The following DNAH14 variants were observed in gnomAD, a reference collection of about 807,000 sequenced individuals.
DNAH14 encodes axonemal beta dynein heavy chain 14.
Under a neutral mutation model 520.9 loss-of-function variants are expected in DNAH14, and 478 were observed. The ratio of observed to expected loss-of-function variants is 0.92; its 90% CI spans 0.85 to 0.99. The LOEUF is 0.99. Among genes scored for constraint, DNAH14 ranks in the 50% least tolerant of loss-of-function variants. DNAH14 has a pLI of 0.00. For synonymous variants in DNAH14, 1,581 were observed against 1,757.2 expected (o/e 0.90, Z 2.51); for missense variants, 4,831 against 5,234.5 (o/e 0.92, Z 2.38).
chr1:225,173,989 T>C (rs2083021238), intron 36 of DNAH14, among the ~76,000 whole-genome samples: 1 of 152,180 alleles, frequency 6.6e-6, no homozygotes, highest in Admixed American at 6.5e-5. Context: ...GAAACCATCA[T>C]TCTCAGCAAA....
chr1:225,269,088 G>C (rs1465386076), intron 49 of DNAH14, among the ~76,000 whole-genome samples: 1 of 152,146 alleles, frequency 6.6e-6, no homozygotes, highest in Non-Finnish European at 1.5e-5. Flanking sequence ...ATACTACAAG[G>C]CTACCGTAAC....
chr1:225,116,057 G>A (rs2076850355), intron 23 of DNAH14, among the ~76,000 whole-genome samples: 2 of 152,150 alleles, frequency 1.3e-5, no homozygotes, highest in Non-Finnish European at 1.5e-5. Context: ...GAGAAGGATG[G>A]GTAGGTGGGA....
At position 225,040,452 on chromosome 1, in the gene DNAH14, G is replaced by A. The variant is rs116352490; in HGVS notation, c.1488+1629G>A. Among the ~76,000 whole-genome samples the A allele has an allele frequency of 2.0e-3, 304 of 152,216 alleles. 1 individual carries two copies. Among genetic ancestry groups the A allele is most frequent in the African/African-American group, 6.5e-3 (268 of 41,526 alleles). On this transcript the variant is annotated intron_variant, in intron 12 of 85. Coordinates refer to ENST00000682510, the MANE Select transcript of DNAH14 (RefSeq NM_001367479.1). Reference sequence around the variant, plus strand: ...TATATTTCTAGATAGTCTAAATTTTGTACAATGCATATGTATTTTTTTAAT... The same window carrying A: ...TATATTTCTAGATAGTCTAAATTTTATACAATGCATATGTATTTTTTTAAT...
chr1:225,142,971 A>T (rs879316912), intron 28 of DNAH14, among the ~76,000 whole-genome samples: 12 of 151,794 alleles, frequency 7.9e-5, no homozygotes, highest in South Asian at 2.1e-4. Flanking sequence ...AATGAAATAA[A>T]TTTTTTTTTC....
At chr1:224,969,783 GT>G in intron 7 of DNAH14, 1 of 161,968 alleles carries the variant, frequency 6.2e-6, no homozygotes, top group Non-Finnish European at 1.3e-5. Flanking sequence ...AACATAAATT[GT>G]GAAGATTTCA....
At chr1:225,295,869 T>C (rs2093994715) in intron 55 of DNAH14, among the ~76,000 whole-genome samples, 1 of 152,204 alleles carries the variant, frequency 6.6e-6, no homozygotes, top group South Asian at 2.1e-4. Flanking sequence ...ATTATTGTAT[T>C]GGGGTCCCTC....
At chr1:225,012,829 C>T (rs2064900533) in intron 10 of DNAH14, among the ~76,000 whole-genome samples, 1 of 152,168 alleles carries the variant, frequency 6.6e-6, no homozygotes, top group Admixed American at 6.6e-5. Context: ...TCATGTTCTT[C>T]TGTAAACTGG....
chr1:225,333,206 G>A, intron 65 of DNAH14, 85 bp from the exon 66 acceptor site: 1 of 1,123,154 alleles, frequency 8.9e-7, no homozygotes, highest in Non-Finnish European at 1.2e-6. Context: ...TGCAATGATA[G>A]ATCCAACTTG....
At chr1:225,187,619 G>A (rs1021331064) in intron 37 of DNAH14, among the ~76,000 whole-genome samples, 4 of 151,794 alleles carry the variant, frequency 2.6e-5, no homozygotes, top group Non-Finnish European at 4.4e-5. Flanking sequence ...CAATGTATGA[G>A]GCTTTCTGTT....
chr1:225,229,350 GAC>G (rs2090876579), intron 41 of DNAH14, among the ~76,000 whole-genome samples: 1 of 152,202 alleles, frequency 6.6e-6, no homozygotes, highest in Non-Finnish European at 1.5e-5. Flanking sequence ...CATTCTGGAA[GAC>G]AGTGTGGTGA....
chr1:225,384,127 T>C (rs186402506), intron 81 of DNAH14, among the ~76,000 whole-genome samples: 191 of 152,366 alleles, frequency 1.3e-3, no homozygotes, highest in Non-Finnish European at 2.3e-3. Context: ...TCTGTTCTTT[T>C]ACATTTGCTG....
At chr1:225,149,831 TC>T (rs927028298) in intron 31 of DNAH14, among the ~76,000 whole-genome samples, 1 of 150,276 alleles carries the variant, frequency 6.7e-6, no homozygotes, top group African/African-American at 2.4e-5. Context: ...AGATATAGAA[TC>T]ATGGCATCTG....
intron 9 of DNAH14, among the ~76,000 whole-genome samples, chr1:225,006,877 G>A (rs2064214008): frequency 6.6e-6 from 1 of 152,114 alleles, no homozygotes; most frequent in African/African-American, 2.4e-5. Flanking sequence ...TGGTTTTGCG[G>A]CTCGGGGGCA....
intron 43 of DNAH14, among the ~76,000 whole-genome samples, chr1:225,251,005 C>T (rs1262922494): frequency 6.6e-6 from 1 of 151,970 alleles, no homozygotes; most frequent in Non-Finnish European, 1.5e-5. Flanking sequence ...GTTCAAGCCA[C>T]CCAGTCTATG....
At chr1:225,277,354 C>A in intron 53 of DNAH14, 56 bp from the exon 54 acceptor site, 2 of 436,100 alleles carry the variant, frequency 4.6e-6, no homozygotes, top group South Asian at 1.7e-5. Flanking sequence ...AACCACAATG[C>A]ACGTTTGATT....
At chr1:225,006,793 AAGCATGTGATCTCTGTGAC>A (rs2064205502) in intron 9 of DNAH14, among the ~76,000 whole-genome samples, 1 of 152,018 alleles carries the variant, frequency 6.6e-6, no homozygotes, top group African/African-American at 2.4e-5. Context: ...TTGCCTTTTG[AAGCATGTGATCTCTGTGAC>A]CCACTCCCTA....
intron 23 of DNAH14, among the ~76,000 whole-genome samples, chr1:225,108,794 T>G (rs942997881): frequency 6.6e-6 from 1 of 152,172 alleles, no homozygotes; most frequent in African/African-American, 2.4e-5. Context: ...TTGCCCAGTC[T>G]AATAAAATAG....
chr1:225,058,262 G>T (rs2069446397), intron 17 of DNAH14, among the ~76,000 whole-genome samples: 1 of 151,996 alleles, frequency 6.6e-6, no homozygotes, highest in Non-Finnish European at 1.5e-5. Flanking sequence ...GTCTTGGGAG[G>T]GTGTGTGTGT....
At chr1:225,004,270 A>G (rs917868493) in intron 9 of DNAH14, among the ~76,000 whole-genome samples, 2 of 152,192 alleles carry the variant, frequency 1.3e-5, no homozygotes, top group African/African-American at 2.4e-5. Context: ...TTTCTTTGTT[A>G]TGCTAATCAT....
Sources: allele counts gnomAD v4.1 joint callset (sites outside exome capture counted in the v4.1 genomes callset), GRCh38; gene constraint gnomAD v4.1.1; transcripts MANE v1.5; gene names NCBI Gene and HGNC (gene_info 2026-07-23, HGNC 2026-07-21).